PROM2: variants seen among roughly 807,000 people sequenced by gnomAD.
PROM2 encodes the protein prominin-2.
PROM2 carries 90 observed loss-of-function variants against 110.2 expected under a neutral mutation model. That is an observed-to-expected ratio of 0.82 (90% confidence interval 0.69 to 0.97). PROM2 has a LOEUF of 0.97. PROM2 is among the 50% of genes least tolerant of loss of function. The pLI is 0.00. For missense variants in PROM2, 1,009 were observed against 1,074.8 expected (o/e 0.94, Z 0.86); for synonymous variants, 470 against 467.8 (o/e 1.00, Z -0.06).
rs1676595806 is a variant in PROM2, at chr2:95,275,535, G to T, written c.294+25G>T. The T allele has an allele frequency of 1.9e-6, 3 of 1,612,932 alleles. No homozygotes were observed. The highest frequency in any genetic ancestry group is 1.7e-5 in the Admixed American group (1 of 59,924). ...GGTGAGCAAGCTGGGGAAAGGTGCT[G>T]GGGGAGGGAGTTCTGGGGTGAGCAG... is the stretch of plus-strand genomic sequence containing the variant. On this transcript the variant is annotated intron_variant, in intron 2 of 23. Transcript: ENST00000317620. This position sits in a 1 kb window ranked among gnomAD's most constrained non-coding sequence, Gnocchi z 4.4.
Position 95,285,708 on chromosome 2 carries a change from CAA to C in PROM2, c.1946_1947del (p.Gln649ArgfsTer79). ...AQELQGLAQA[Q>X]DNSVLGQRLQ... ...GGAGCTGCAAGGACTGGCCCAGGCC[CAA>C]GTGAGTGGGAAACAGGGCCCCGACT... On this transcript the variant is annotated frameshift_variant and splice_region_variant, in exon 16 of 24. Coordinates refer to ENST00000317620, the MANE Select transcript of PROM2 (RefSeq NM_001165978.3). LOFTEE classifies it high-confidence loss of function. 3.1e-6 allele frequency: 5 copies of C among 1,597,164 alleles called. No homozygotes were observed. The highest frequency in any genetic ancestry group is 4.3e-6 in the Non-Finnish European group (5 of 1,171,502).
Position 95,276,756 on chromosome 2 carries a change from C to A in PROM2, c.682+99C>A. On this transcript the variant is annotated intron_variant, in intron 5 of 23. Coordinates refer to ENST00000317620, the MANE Select transcript of PROM2 (RefSeq NM_001165978.3). The surrounding 1 kb of genome is among the most constrained non-coding windows in gnomAD (Gnocchi z 4.6). ...CTCACTCCCTCATTCTGGACACCCC[C>A]GGGAACAGGCTGGTAGAGGTGGGGA... 1.5e-6 allele frequency: 2 copies of A among 1,360,086 alleles called. No homozygotes were observed. The highest frequency in any genetic ancestry group is 4.8e-5 in the East Asian group (2 of 41,618). The allele number at this position is 1,360,086 out of a possible 1,614,324, so 84.3% of individuals were successfully genotyped here.
chr2:95,287,376 ACCT>A lies in PROM2; in HGVS notation c.2176-16_2176-14del. 6.2e-7 allele frequency: 1 copy of A among 1,613,490 alleles called. No homozygotes were observed. The highest frequency in any genetic ancestry group is 8.5e-7 in the Non-Finnish European group (1 of 1,179,778). On this transcript the variant is annotated splice_polypyrimidine_tract_variant and intron_variant, in intron 19 of 23. Transcript: ENST00000317620. ...TGCTTCTGGGACCCCTACAGCTCAGACCTCCTTTCCTTCCTGCAGGTGAGTGAG... is the reference window on the plus strand; with the variant it reads ...TGCTTCTGGGACCCCTACAGCTCAGACCTTTCCTTCCTGCAGGTGAGTGAG...
At position 95,275,891 on chromosome 2, in the gene PROM2, G is replaced by T. The variant is rs1297528453; in HGVS notation, c.295-39G>T. 1 of 1,577,630 alleles carries T rather than the reference G, an allele frequency of 6.3e-7. No homozygotes were observed. The highest frequency in any genetic ancestry group is 8.6e-7 in the Non-Finnish European group (1 of 1,165,182). ...CAGGCAGAAGCCAGGGCTGGGCAGT[G>T]GGGGTCGGGTCACCCCTCATGCCCT... On this transcript the variant is annotated intron_variant, in intron 2 of 23. Coordinates refer to ENST00000317620, the MANE Select transcript of PROM2 (RefSeq NM_001165978.3). The surrounding 1 kb of genome is among the most constrained non-coding windows in gnomAD (Gnocchi z 4.4).
At chr2:95,277,905 C>T in intron 7 of PROM2, 25 bp from the exon 8 acceptor site, 1 of 1,606,408 alleles carries the variant, frequency 6.2e-7, no homozygotes, top group Non-Finnish European at 8.5e-7. Flanking sequence ...TGAACTTTGT[C>T]ATAACCCACC....
At position 95,274,452 on chromosome 2, in the gene PROM2, A is replaced by G; in HGVS notation, c.-134A>G. The stretch of plus-strand genomic sequence containing the variant: ...CAGGCAGGGAGGCGGGAGGCCAGGT[A>G]GCTCAGGAACCCAAACCTGTCGGGC... On this transcript the variant is annotated 5_prime_UTR_variant, in exon 1 of 24. Transcript: ENST00000317620. 1 of 1,183,622 alleles carries G rather than the reference A, an allele frequency of 8.4e-7. No individual in the cohort carries two copies. The allele number at this position is 1,183,622 out of a possible 1,614,324, so 73.3% of individuals were successfully genotyped here.
chr2:95,278,034 C>G, intron 8 of PROM2, 30 bp downstream of exon 8: 1 of 1,578,690 alleles, frequency 6.3e-7, no homozygotes, highest in Non-Finnish European at 8.7e-7. Context: ...CCTGATTTCT[C>G]CCTCACCTGC....
chr2:95,285,118 C>G lies in PROM2; in HGVS notation c.1875+3C>G. 1 of 1,557,688 alleles carries G rather than the reference C, an allele frequency of 6.4e-7. No individual in the cohort carries two copies. The highest frequency in any genetic ancestry group is 1.2e-5 in the South Asian group (1 of 84,498). On this transcript the variant is annotated splice_donor_region_variant and intron_variant, in intron 15 of 23. Coordinates refer to ENST00000317620, the MANE Select transcript of PROM2 (RefSeq NM_001165978.3). Reference sequence around the variant, plus strand: ...ACTACCCCGACTTCCTCGTTCAGGTCAGCGGTGGGCACCTCAGCAGGGCTT... The same window carrying G: ...ACTACCCCGACTTCCTCGTTCAGGTGAGCGGTGGGCACCTCAGCAGGGCTT...
At position 95,286,787 on chromosome 2, in the gene PROM2, T is replaced by G; in HGVS notation, c.2041-17T>G. On this transcript the variant is annotated splice_polypyrimidine_tract_variant and intron_variant, in intron 17 of 23. Transcript: ENST00000317620. The stretch of plus-strand genomic sequence containing the variant: ...TCCCTTGCACTCCCCTAACCAGCCC[T>G]GATCTCTTCTCCACAGGCAAAGCTC... 1.9e-6 allele frequency: 3 copies of G among 1,593,156 alleles called. No homozygotes were observed. Among genetic ancestry groups the G allele is most frequent in the Non-Finnish European group, 2.6e-6 (3 of 1,167,126 alleles).
chr2:95,274,721 A>C lies in PROM2; in HGVS notation c.136A>C (p.Arg46=). 1 of 1,612,220 alleles carries C rather than the reference A, an allele frequency of 6.2e-7. No homozygotes were observed. The highest frequency in any genetic ancestry group is 1.1e-5 in the South Asian group (1 of 91,042). Residue 46 remains arginine (R), a synonymous_variant, in exon 1 of 24, where the codon AGG becomes CGG. Coordinates refer to ENST00000317620, the MANE Select transcript of PROM2 (RefSeq NM_001165978.3). ...AEHLTFTPAA[R]ARWLAPRVRA... ...GCACCTGACATTCACCCCAGCAGCC[A>C]GGGCCCGGTGGCTGGCCCCTCGAGT...
At chr2:95,281,477 A>T in intron 12 of PROM2, 112 bp downstream of exon 12, 1 of 1,169,348 alleles carries the variant, frequency 8.6e-7, no homozygotes. Context: ...GGAGAGAGGG[A>T]GGGGAGGAGT....
At chr2:95,283,424 G>A (rs188436019) in intron 14 of PROM2, among the ~76,000 whole-genome samples, 24 of 152,372 alleles carry the variant, frequency 1.6e-4, no homozygotes, top group Non-Finnish European at 2.2e-4. Flanking sequence ...AGACACTGAT[G>A]GGTAGGCAGA....
In PROM2 at chr2:95,289,415, A is replaced by G. The variant is rs1677570368; in HGVS notation, c.*202A>G. The G allele has an allele frequency of 4.6e-6, 1 of 217,472 alleles. No individual in the cohort carries two copies. Among genetic ancestry groups the G allele is most frequent in the African/African-American group, 2.3e-5 (1 of 43,598 alleles). The allele number at this position is 217,472 out of a possible 1,614,324, so 13.5% of individuals were successfully genotyped here. On this transcript the variant is annotated 3_prime_UTR_variant, in exon 24 of 24. Transcript: ENST00000317620. Reference sequence around the variant, plus strand: ...ACGACCCCCATCATTCACGCTCAGAATCACATGGGACTTCTGTGCAGCTGC... The same window carrying G: ...ACGACCCCCATCATTCACGCTCAGAGTCACATGGGACTTCTGTGCAGCTGC...
At position 95,279,147 on chromosome 2, in the gene PROM2, G is replaced by A; in HGVS notation, c.1274+3G>A. 3 of 1,364,648 alleles carry A rather than the reference G, an allele frequency of 2.2e-6. No individual in the cohort carries two copies. Among genetic ancestry groups the A allele is most frequent in the Middle Eastern group, 2.5e-4 (1 of 4,026 alleles). The allele number at this position is 1,364,648 out of a possible 1,614,324, so 84.5% of individuals were successfully genotyped here. A position where few individuals can be genotyped will look rare whatever the true frequency, so the allele number is the denominator to read the frequency against. On this transcript the variant is annotated splice_donor_region_variant and intron_variant, in intron 10 of 23. Coordinates refer to ENST00000317620, the MANE Select transcript of PROM2 (RefSeq NM_001165978.3). The stretch of plus-strand genomic sequence containing the variant: ...GTGCAGAGATACGAGACCTACAGGT[G>A]CTGGGCACCGCAGGGTGGGATGGGG...
At position 95,290,334 on chromosome 2, in the gene PROM2, C is replaced by T. The variant is rs1677624816; in HGVS notation, c.*1121C>T. 1 of 152,188 alleles carries T rather than the reference C, an allele frequency of 6.6e-6. No individual in the cohort carries two copies. The highest frequency in any genetic ancestry group is 6.5e-5 in the Admixed American group (1 of 15,280). 9.4% of individuals were successfully genotyped at this position (152,188 alleles called of 1,614,324 possible). A position where few individuals can be genotyped will look rare whatever the true frequency, so the allele number is the denominator to read the frequency against. ...ACTTCCCTGAGACTTGGTTCTGGGT[C>T]CTTAAAACCAGGTTTCCTAGGCTGG... On this transcript the variant is annotated 3_prime_UTR_variant, in exon 24 of 24. Transcript: ENST00000317620.
At position 95,281,920 on chromosome 2, in the gene PROM2, C is replaced by T. The variant is rs1356980145; in HGVS notation, c.1552-5C>T. 10 of 1,613,086 alleles carry T rather than the reference C, an allele frequency of 6.2e-6. No homozygotes were observed. Among genetic ancestry groups the T allele is most frequent in the Non-Finnish European group, 8.5e-6 (10 of 1,179,238 alleles). On this transcript the variant is annotated splice_polypyrimidine_tract_variant and splice_region_variant and intron_variant, in intron 12 of 23. Transcript: ENST00000317620. ...TGTGCCCATTTCTCACTGCCCCATC[C>T]CCAGTTTGCAGACACCCCAGGGAAC...
intron 12 of PROM2, 86 bp downstream of exon 12, chr2:95,281,451 G>T (rs1020984603): frequency 7.2e-7 from 1 of 1,387,474 alleles, no homozygotes; most frequent in Non-Finnish European, 9.6e-7. Context: ...GGAAAGTGGG[G>T]GTCGGGGGGT....
Position 95,275,841 on chromosome 2 carries a change from G to A in PROM2, c.295-89G>A, listed in dbSNP as rs114550011. On this transcript the variant is annotated intron_variant, in intron 2 of 23. Transcript: ENST00000317620. The surrounding 1 kb of genome is among the most constrained non-coding windows in gnomAD (Gnocchi z 4.4). ...AGGCCATGCCCCTGACGGCACTCCCGCCCCTTCTGGTTTCCCTCTGGACTC... is the reference window on the plus strand; with the variant it reads ...AGGCCATGCCCCTGACGGCACTCCCACCCCTTCTGGTTTCCCTCTGGACTC... The A allele has an allele frequency of 1.1e-4, 174 of 1,535,742 alleles. No individual in the cohort carries two copies. The highest frequency in any genetic ancestry group is 5.6e-4 in the East Asian group (23 of 41,018).
At position 95,277,101 on chromosome 2, in the gene PROM2, G is replaced by A. The variant is rs369513690; in HGVS notation, c.772+40G>A. The A allele has an allele frequency of 7.3e-4, 1,112 of 1,520,760 alleles. 21 individuals are homozygous for A. In the South Asian group the frequency reaches 0.012, roughly 17 times the overall value. 94.2% of individuals were successfully genotyped at this position (1,520,760 alleles called of 1,614,324 possible). A position where few individuals can be genotyped will look rare whatever the true frequency, so the allele number is the denominator to read the frequency against. On this transcript the variant is annotated intron_variant, in intron 6 of 23. Coordinates refer to ENST00000317620, the MANE Select transcript of PROM2 (RefSeq NM_001165978.3). The stretch of plus-strand genomic sequence containing the variant: ...CATCCTGGATAGTGTGGAGCCCAGC[G>A]GGTGTCCTCCTGGGGCGATCCCACC...
Sources: allele counts gnomAD v4.1 joint callset (sites outside exome capture counted in the v4.1 genomes callset), GRCh38; gene constraint gnomAD v4.1.1; non-coding constraint Gnocchi (gnomAD v3.1); transcripts MANE v1.5; gene names NCBI Gene and HGNC (gene_info 2026-07-23, HGNC 2026-07-21).